PAK1: variants seen among roughly 807,000 people sequenced by gnomAD.
PAK1 encodes serine/threonine-protein kinase PAK 1.
A neutral mutation model predicts 67.4 loss-of-function variants in PAK1; 29 were observed. That is an observed-to-expected ratio of 0.43 (90% CI 0.32 to 0.59). The LOEUF is 0.59. Ranked by LOEUF, PAK1 falls within the 20% of genes least tolerant of loss-of-function variation. The pLI is 0.07. For missense variants in PAK1, 337 were observed against 670.7 expected, an observed-to-expected ratio of 0.50 and a Z score of 5.50; for synonymous variants, 223 against 237.4, an observed-to-expected ratio of 0.94 and a Z score of 0.56.
At chr11:77,335,674 T>C (rs565307396) in intron 13 of PAK1, among the ~76,000 whole-genome samples, 1 of 152,252 alleles carries the variant, frequency 6.6e-6, no homozygotes, top group South Asian at 2.1e-4. Flanking sequence ...ACATTACTCC[T>C]CAGCTCAAAA....
chr11:77,458,062 G>A (rs752309649), intron 1 of PAK1, among the ~76,000 whole-genome samples: 8 of 152,130 alleles, frequency 5.3e-5, no homozygotes, highest in Admixed American at 1.3e-4. Context: ...TCTAATGGAG[G>A]AATAAGCATA....
intron 2 of PAK1, among the ~76,000 whole-genome samples, chr11:77,386,346 C>T (rs1950449209): frequency 6.6e-6 from 1 of 152,180 alleles, no homozygotes. Context: ...ATTAACTTTG[C>T]TAAACTCTTC....
chr11:77,507,421 G>T, the PAK1 span, among the ~76,000 whole-genome samples: 4 of 152,194 alleles, frequency 2.6e-5, no homozygotes, highest in Non-Finnish European at 5.9e-5. Context: ...AGCACATTAA[G>T]AGCAACATGC....
chr11:77,516,911 C>T, the PAK1 span, among the ~76,000 whole-genome samples: 8 of 149,828 alleles, frequency 5.3e-5, no homozygotes, highest in South Asian at 6.3e-4. Context: ...GAGGCTGAGA[C>T]GGGAGGATTG....
intron 14 of PAK1, among the ~76,000 whole-genome samples, chr11:77,328,638 G>A (rs1940646803): frequency 6.6e-6 from 1 of 152,138 alleles, no homozygotes; most frequent in Non-Finnish European, 1.5e-5. Context: ...AAAGCAGTGT[G>A]TAGAGGGAAA....
chr11:77,505,551 A>T, the PAK1 span, among the ~76,000 whole-genome samples: 2 of 152,148 alleles, frequency 1.3e-5, no homozygotes, highest in African/African-American at 4.8e-5. Context: ...TATCCATTAA[A>T]CAACAGCTCC....
intron 1 of PAK1, among the ~76,000 whole-genome samples, chr11:77,445,881 G>A (rs1232225448): frequency 6.6e-6 from 1 of 152,126 alleles, no homozygotes; most frequent in Non-Finnish European, 1.5e-5. Flanking sequence ...CGTTGTATTA[G>A]TTATTGATTT....
At chr11:77,485,239 G>C in the PAK1 span, among the ~76,000 whole-genome samples, 1 of 152,196 alleles carries the variant, frequency 6.6e-6, no homozygotes, top group East Asian at 1.9e-4. Flanking sequence ...AAATGAATAA[G>C]CTCTAGTATT....
chr11:77,521,237 C>A, the PAK1 span, among the ~76,000 whole-genome samples: 5 of 151,866 alleles, frequency 3.3e-5, no homozygotes, highest in Non-Finnish European at 5.9e-5. Flanking sequence ...GAGTTTGGGT[C>A]AAAAATGTGA....
chr11:77,407,700 T>A (rs1592330213), intron 1 of PAK1, among the ~76,000 whole-genome samples: 1 of 152,222 alleles, frequency 6.6e-6, no homozygotes, highest in Non-Finnish European at 1.5e-5. Flanking sequence ...GCATCTGGTC[T>A]CTGGACTCTG....
chr11:77,471,506 A>G (rs890217800), intron 1 of PAK1, among the ~76,000 whole-genome samples: 1 of 152,152 alleles, frequency 6.6e-6, no homozygotes, highest in South Asian at 2.1e-4. Context: ...AGACTAAGGG[A>G]CTGCATCCCA....
chr11:77,342,881 T>C (rs1042652196), intron 10 of PAK1, among the ~76,000 whole-genome samples: 4 of 45,028 alleles, frequency 8.9e-5, no homozygotes, highest in Non-Finnish European at 1.6e-4. Context: ...GGCAAGAAGC[T>C]TAACTTTTTT....
In PAK1 at chr11:77,392,342, G is replaced by A. The variant is rs779686585; in HGVS notation, c.179C>T (p.Pro60Leu). The change falls in exon 2 of 15, where the codon CCT becomes CTT. Residue 60 changes from proline to leucine, a missense_variant. Pro to Leu is a moderately conservative substitution (Grantham distance 98). Transcript: ENST00000356341. ...ATCAAATACTATACTTTTATCTCCA[G>A]GTAAAATGGATCGGTAAAATCGGTC... ...KKDRFYRSIL[P>L]GDKTNKKKEK... is the part of the protein sequence containing the mutation. 1 of 1,591,188 alleles carries A rather than the reference G, an allele frequency of 6.3e-7. No homozygotes were observed. The highest frequency in any genetic ancestry group is 1.1e-5 in the South Asian group (1 of 88,610).
At chr11:77,466,076 G>A (rs184759020) in intron 1 of PAK1, among the ~76,000 whole-genome samples, 7 of 152,274 alleles carry the variant, frequency 4.6e-5, no homozygotes, top group Admixed American at 3.3e-4. Flanking sequence ...TTTTGTTCCT[G>A]TAGCCCATTG....
At chr11:77,517,737 GCATAAT>G in the PAK1 span, among the ~76,000 whole-genome samples, 1 of 152,140 alleles carries the variant, frequency 6.6e-6, no homozygotes, top group Admixed American at 6.5e-5. Context: ...TCACCATAAT[GCATAAT>G]CAGTGGGAGC....
chr11:77,398,326 G>C (rs7126626), intron 1 of PAK1, among the ~76,000 whole-genome samples: 3,064 of 152,004 alleles, frequency 0.02, 101 homozygotes, highest in African/African-American at 0.07. Context: ...GAATTGTTTT[G>C]ATTTTTAGAT....
At chr11:77,474,710 T>G (rs538182629), upstream of PAK1, 1 of 152,250 alleles carries the variant, frequency 6.6e-6, no homozygotes, top group African/African-American at 2.4e-5. Context: ...GACAAAGAAA[T>G]TATAACGGAG....
intron 1 of PAK1, among the ~76,000 whole-genome samples, chr11:77,428,520 C>T (rs113939228): frequency 0.042 from 6,315 of 150,568 alleles, 437 homozygotes; most frequent in African/African-American, 0.15. Flanking sequence ...TGCAGTGAGC[C>T]GAGATTGCAC....
intron 1 of PAK1, among the ~76,000 whole-genome samples, chr11:77,443,780 GA>G (rs1261495013): frequency 2.0e-5 from 3 of 152,238 alleles, no homozygotes; most frequent in South Asian, 4.1e-4. Context: ...AAAGAAAAAG[GA>G]AGCAAAATCA....
Sources: gnomAD v4.1 joint callset for allele counts (sites outside exome capture counted in the v4.1 genomes callset) on GRCh38, gnomAD v4.1.1 for gene constraint, MANE v1.5 for transcripts, NCBI Gene and HGNC (gene_info 2026-07-23, HGNC 2026-07-21) for gene names.